Variants in DPH1 observed in about 807,000 individuals in gnomAD.
DPH1 encodes the protein diphthamide biosynthesis 1, also known as 2-(3-amino-3-carboxypropyl)histidine synthase subunit 1.
DPH1 carries 59 observed loss-of-function variants against 55.3 expected under a neutral mutation model. That is an observed-to-expected ratio of 1.07 (90% CI 0.87 to 1.33). DPH1 has a LOEUF of 1.33. Among genes scored for constraint, DPH1 ranks in the 40% most tolerant of loss-of-function variants. The pLI, the probability that DPH1 is intolerant of heterozygous loss-of-function variation, is 0.00. For missense variants in DPH1, 628 were observed against 584.8 expected (o/e 1.07, Z -0.76); for synonymous variants, 238 against 235.5 (o/e 1.01, Z -0.10).
chr17:2,041,888 G>A lies in DPH1; in HGVS notation c.*18+13G>A, dbSNP rs114826587. On this transcript the variant is annotated intron_variant, in intron 12 of 12. Coordinates refer to ENST00000263083, the MANE Select transcript of DPH1 (RefSeq NM_001383.6). Reference sequence around the variant, plus strand: ...TCCCGGGCCTCAGGTATCAGCCCCCGCTCTGGGTGCGCCCCGCCTTTTGCC... The same window carrying A: ...TCCCGGGCCTCAGGTATCAGCCCCCACTCTGGGTGCGCCCCGCCTTTTGCC... 0.014 allele frequency: 21,360 copies of A among 1,558,674 alleles called. 1,552 individuals are homozygous for A. In the African/African-American group the frequency reaches 0.19, roughly 14 times the overall value.
chr17:2,042,348 C>T, intron 12 of DPH1: 1 of 1,356,810 alleles, frequency 7.4e-7, no homozygotes, highest in Non-Finnish European at 9.5e-7. Flanking sequence ...ACCCAGTCCA[C>T]ACCCTTCATT....
Position 2,040,229 on chromosome 17 carries a change from A to G in DPH1, c.761A>G (p.Tyr254Cys). 3 of 1,614,042 alleles carry G rather than the reference A, an allele frequency of 1.9e-6. No individual in the cohort carries two copies. Among genetic ancestry groups the G allele is most frequent in the Non-Finnish European group, 2.5e-6 (3 of 1,180,026 alleles). ...PNVPAYRYDP[Y>C]SKVLSREHYD... ...TGCTTCTTTTCCAGGTATGACCCAT[A>G]TAGCAAAGTCCTATCCAGAGAACAC... Residue 254 changes from tyrosine to cysteine, a missense_variant, in exon 8 of 13, where the codon TAT (tyrosine) becomes TGT (cysteine). By Grantham distance (194) the Tyr-to-Cys change is radical. Coordinates refer to ENST00000263083, the MANE Select transcript of DPH1 (RefSeq NM_001383.6).
intron 3 of DPH1, 87 bp downstream of exon 3, chr17:2,033,929 C>A: frequency 1.3e-6 from 2 of 1,521,206 alleles, no homozygotes; most frequent in South Asian, 1.1e-5. Flanking sequence ...GCCCTGGTGG[C>A]GGGCATTTTT....
In DPH1 at chr17:2,039,535, A is replaced by G. The variant is rs944354562; in HGVS notation, c.681-220A>G. 7.3e-4 allele frequency: 355 copies of G among 487,780 alleles called. 1 individual carries two copies. The highest frequency in any genetic ancestry group is 5.8e-3 in the African/African-American group (277 of 47,672). The allele number at this position is 487,780 out of a possible 1,614,324, so 30.2% of individuals were successfully genotyped here. A position where few individuals can be genotyped will look rare whatever the true frequency, so the allele number is the denominator to read the frequency against. On this transcript the variant is annotated intron_variant, in intron 6 of 12. Transcript: ENST00000263083. ...TGGGACTACAGGCGCCCGTCACCACACCCAGCTAAGTTTTTGTATTTTTAG... is the reference window on the plus strand; with the variant it reads ...TGGGACTACAGGCGCCCGTCACCACGCCCAGCTAAGTTTTTGTATTTTTAG...
At chr17:2,042,041 G>C (rs765096221) in intron 12 of DPH1, 166 bp downstream of exon 12, 2 of 1,515,650 alleles carry the variant, frequency 1.3e-6, no homozygotes, top group South Asian at 2.4e-5. Context: ...GCTCCTTGCC[G>C]GGCATAATGG....
intron 1 of DPH1, among the ~76,000 whole-genome samples, chr17:2,031,024 A>G (rs552982921): frequency 6.6e-6 from 1 of 152,348 alleles, no homozygotes; most frequent in South Asian, 2.1e-4. Flanking sequence ...AAGTTGTGGC[A>G]CATAGCACAG....
chr17:2,033,304 T>C, intron 1 of DPH1: 1 of 713,534 alleles, frequency 1.4e-6, no homozygotes, highest in South Asian at 1.9e-5. Flanking sequence ...TATTATCTTC[T>C]TGTTTAGCAA....
At position 2,036,332 on chromosome 17, in the gene DPH1, C is replaced by G. The variant is rs554858754; in HGVS notation, c.401-197C>G. ...GAAAGGCTGTTGGTTGTAGAGCAGGCTGGGCCCCGGCCGGGTGACAGAGAA... is the reference window on the plus strand; with the variant it reads ...GAAAGGCTGTTGGTTGTAGAGCAGGGTGGGCCCCGGCCGGGTGACAGAGAA... On this transcript the variant is annotated intron_variant, in intron 4 of 12. Transcript: ENST00000263083. This position sits in a 1 kb window ranked among gnomAD's most constrained non-coding sequence, Gnocchi z 4.8. 1 of 1,047,840 alleles carries G rather than the reference C, an allele frequency of 9.5e-7. No homozygotes were observed. The highest frequency in any genetic ancestry group is 1.3e-6 in the Non-Finnish European group (1 of 742,604). 64.9% of individuals were successfully genotyped at this position (1,047,840 alleles called of 1,614,324 possible).
In DPH1 at chr17:2,041,617, G is replaced by C; in HGVS notation, c.1223G>C (p.Gly408Ala). 1 of 1,604,674 alleles carries C rather than the reference G, an allele frequency of 6.2e-7. No individual in the cohort carries two copies. The highest frequency in any genetic ancestry group is 8.5e-7 in the Non-Finnish European group (1 of 1,176,354). ...CACGCCCCGGGCCGGCCCGCGCGGG[G>C]GAAGGTAGGCGGGGGCTTCCAGGAG... ...RPHAPGRPAR[G>A]KVQEGSARPP... Residue 408 changes from glycine (G) to alanine (A), a missense_variant, in exon 11 of 13, where the codon GGG becomes GCG. Coordinates refer to ENST00000263083, the MANE Select transcript of DPH1 (RefSeq NM_001383.6).
rs2067571587 is a variant in DPH1 at position 2,042,935 on chromosome 17, T to C, written c.*349T>C. The stretch of plus-strand genomic sequence containing the variant: ...CAAAGGCCCTTGTCATTGCCTTCGC[T>C]CCATGTTTTTGGGGACACTGACAAA... On this transcript the variant is annotated 3_prime_UTR_variant, in exon 13 of 13. Coordinates refer to ENST00000263083, the MANE Select transcript of DPH1 (RefSeq NM_001383.6). 11 of 1,614,112 alleles carry C rather than the reference T, an allele frequency of 6.8e-6. No homozygotes were observed. The highest frequency in any genetic ancestry group is 9.3e-6 in the Non-Finnish European group (11 of 1,180,016).
intron 6 of DPH1, among the ~76,000 whole-genome samples, chr17:2,038,438 A>C (rs1390812380): frequency 6.6e-6 from 1 of 152,184 alleles, no homozygotes; most frequent in Non-Finnish European, 1.5e-5. Flanking sequence ...CATAGATCAG[A>C]GGTCCCCAAC....
At chr17:2,030,345 C>A in intron 1 of DPH1, 115 bp downstream of exon 1, 1 of 1,261,966 alleles carries the variant, frequency 7.9e-7, no homozygotes, top group Non-Finnish European at 1.1e-6. Context: ...CTAGATCCCG[C>A]TGTTAGTCGC....
In DPH1 at chr17:2,040,667, G is replaced by T. The variant is rs1043732960; in HGVS notation, c.1007+62G>T. ...TTAGAAGCTGGGTCTTGCCCAGCTC[G>T]TCTTGAAGGCTGGAGCCAACAGGAA... On this transcript the variant is annotated intron_variant, in intron 9 of 12. Transcript: ENST00000263083. The T allele has an allele frequency of 1.9e-6, 3 of 1,552,536 alleles. No homozygotes were observed. In the Admixed American group the frequency reaches 5.0e-5, roughly 26 times the overall value.
intron 1 of DPH1, among the ~76,000 whole-genome samples, chr17:2,031,594 C>T (rs1597273233): frequency 6.8e-6 from 1 of 146,472 alleles, no homozygotes; most frequent in African/African-American, 2.5e-5. Flanking sequence ...AAAAATTAGC[C>T]CTGCGTCTTG....
At position 2,037,255 on chromosome 17, in the gene DPH1, C is replaced by T. The variant is rs143333358; in HGVS notation, c.680+299C>T. The T allele has an allele frequency of 2.0e-4, 53 of 260,368 alleles. No homozygotes were observed. The East Asian group carries it at 2.7e-3, about 13-fold the overall frequency. 16.1% of individuals were successfully genotyped at this position (260,368 alleles called of 1,614,324 possible). A position where few individuals can be genotyped will look rare whatever the true frequency, so the allele number is the denominator to read the frequency against. The stretch of plus-strand genomic sequence containing the variant: ...TATAATTGGAGAAGATGGATGGGCA[C>T]GCCCAGGCTGCAGCCCCATTAATTT... On this transcript the variant is annotated intron_variant, in intron 6 of 12. Coordinates refer to ENST00000263083, the MANE Select transcript of DPH1 (RefSeq NM_001383.6).
At chr17:2,041,271 G>C (rs1460559250) in intron 10 of DPH1, 90 bp downstream of exon 10, 3 of 1,504,892 alleles carry the variant, frequency 2.0e-6, no homozygotes, top group Non-Finnish European at 2.7e-6. Flanking sequence ...GCAGCACTTC[G>C]TTATGTTCGT....
Position 2,036,519 on chromosome 17 carries a change from C to A in DPH1, c.401-10C>A, listed in dbSNP as rs753816779. 2 of 1,613,636 alleles carry A rather than the reference C, an allele frequency of 1.2e-6. No homozygotes were observed. The highest frequency in any genetic ancestry group is 1.7e-6 in the Non-Finnish European group (2 of 1,179,738). ...TTCCCAAACAGCCCCTGAACTCCTC[C>A]CTCCCACAGTTCCCATGGACACCTC... On this transcript the variant is annotated splice_polypyrimidine_tract_variant and intron_variant, in intron 4 of 12. Coordinates refer to ENST00000263083, the MANE Select transcript of DPH1 (RefSeq NM_001383.6). The surrounding 1 kb of genome is among the most constrained non-coding windows in gnomAD (Gnocchi z 4.8).
intron 10 of DPH1, 22 bp downstream of exon 10, chr17:2,041,203 G>C (rs1567548238): frequency 6.3e-7 from 1 of 1,591,366 alleles, no homozygotes. Context: ...CTCTGGGAGA[G>C]AGTGGGCTTT....
chr17:2,038,954 A>G (rs2067467815), intron 6 of DPH1: 1 of 152,202 alleles, frequency 6.6e-6, no homozygotes, highest in South Asian at 2.1e-4. Flanking sequence ...CATCCAATTC[A>G]AACTCCTTAT....
Sources: gnomAD v4.1 joint callset for allele counts (sites outside exome capture counted in the v4.1 genomes callset) on GRCh38, gnomAD v4.1.1 for gene constraint, Gnocchi (gnomAD v3.1) non-coding constraint, MANE v1.5 for transcripts, NCBI Gene and HGNC (gene_info 2026-07-23, HGNC 2026-07-21) for gene names.